C10orf67: variants seen among roughly 807,000 people sequenced by gnomAD.
The protein encoded by C10orf67 is uncharacterized protein C10orf67, mitochondrial.
In C10orf67, 60 loss-of-function variants were observed where a neutral mutation model predicts 35.6. The ratio of observed to expected loss-of-function variants is 1.68; its 90% CI spans 1.37 to 2.09. The LOEUF (loss-of-function observed/expected upper bound fraction) is 2.09, where lower values mean the gene tolerates loss of function less well. Among genes scored for constraint, C10orf67 ranks in the 30% most tolerant of loss-of-function variants. C10orf67 has a pLI of 0.00. For missense variants in C10orf67, 474 were observed against 330.2 expected, an observed-to-expected ratio of 1.44 and a Z score of -3.38; for synonymous variants, 167 against 115.8, an observed-to-expected ratio of 1.44 and a Z score of -2.84.
intron 8 of C10orf67, among the ~76,000 whole-genome samples, chr10:23,272,809 C>T (rs1162156446): frequency 1.3e-5 from 2 of 152,170 alleles, no homozygotes; most frequent in Non-Finnish European, 2.9e-5. Context: ...TAATATGCAT[C>T]TCCTGAATCA....
intron 12 of C10orf67, among the ~76,000 whole-genome samples, chr10:23,247,511 C>T (rs1197060687): frequency 1.3e-5 from 2 of 152,124 alleles, no homozygotes; most frequent in Admixed American, 6.5e-5. Context: ...CTCTAAGATG[C>T]TCACACAATG....
At chr10:23,326,206 T>A (rs2132358347) in intron 2 of C10orf67, among the ~76,000 whole-genome samples, 1 of 152,202 alleles carries the variant, frequency 6.6e-6, no homozygotes, top group Non-Finnish European at 1.5e-5. Flanking sequence ...CCAAGCAGGA[T>A]AAATGCATCA....
intron 2 of C10orf67, among the ~76,000 whole-genome samples, chr10:23,324,347 C>T (rs1845099143): frequency 1.3e-5 from 2 of 152,146 alleles, no homozygotes; most frequent in African/African-American, 4.8e-5. Flanking sequence ...ATCTGGAGTT[C>T]ACCTCTTTCT....
At chr10:23,251,764 T>C (rs1346809309) in intron 10 of C10orf67, among the ~76,000 whole-genome samples, 1 of 152,242 alleles carries the variant, frequency 6.6e-6, no homozygotes, top group Non-Finnish European at 1.5e-5. Flanking sequence ...TCATCTTTTT[T>C]TCTTTTCATG....
chr10:23,281,404 T>C (rs551126961), intron 8 of C10orf67, among the ~76,000 whole-genome samples: 7 of 152,334 alleles, frequency 4.6e-5, no homozygotes, highest in East Asian at 3.9e-4. Flanking sequence ...TCAAGCTGTG[T>C]TTTATTTTTT....
chr10:23,320,851 G>C, intron 3 of C10orf67, 36 bp from the exon 4 acceptor site: 1 of 1,431,316 alleles, frequency 7.0e-7, no homozygotes, highest in Admixed American at 2.0e-5. Flanking sequence ...GCACCATAAT[G>C]TATTTCCAAA....
At chr10:23,297,777 G>C (rs1432080038) in intron 5 of C10orf67, among the ~76,000 whole-genome samples, 1 of 152,250 alleles carries the variant, frequency 6.6e-6, no homozygotes, top group African/African-American at 2.4e-5. Flanking sequence ...CGCAGTCGCA[G>C]CACTGGCCCT....
In C10orf67 at chr10:23,330,034, A is replaced by G. The variant is rs534591547; in HGVS notation, c.327+3028T>C. ...GCCATATGAGTGCATGATCATCTCA[A>G]TAAGTCCATGAAAAGTATTCAAACC... On this transcript the variant is annotated intron_variant, in intron 2 of 15. Coordinates refer to ENST00000636213, the MANE Select transcript of C10orf67 (RefSeq NM_001371909.1). Among the ~76,000 whole-genome samples, 37 of 152,334 alleles carry G rather than the reference A, an allele frequency of 2.4e-4. No homozygotes were observed. The South Asian group carries it at 7.4e-3, about 31-fold the overall frequency.
intron 15 of C10orf67, among the ~76,000 whole-genome samples, chr10:23,218,151 AT>A (rs777972580): frequency 6.6e-5 from 10 of 151,970 alleles, no homozygotes; most frequent in Non-Finnish European, 1.5e-4. Flanking sequence ...CCAGGTTTTT[AT>A]TTGTTTGTGT....
chr10:23,330,835 T>A (rs973950076), intron 2 of C10orf67, among the ~76,000 whole-genome samples: 1 of 152,100 alleles, frequency 6.6e-6, no homozygotes, highest in Non-Finnish European at 1.5e-5. Context: ...GGTGAAATGA[T>A]CTAAGATTCT....
intron 13 of C10orf67, among the ~76,000 whole-genome samples, chr10:23,228,180 C>G (rs1841797432): frequency 6.6e-6 from 1 of 152,184 alleles, no homozygotes; most frequent in Non-Finnish European, 1.5e-5. Context: ...CACTACCTGA[C>G]TTCAAACTAT....
At chr10:23,251,170 A>G (rs1440293298) in intron 10 of C10orf67, among the ~76,000 whole-genome samples, 2 of 152,188 alleles carry the variant, frequency 1.3e-5, no homozygotes, top group Non-Finnish European at 2.9e-5. Context: ...ACGGTTTAAG[A>G]TCCCATGCCT....
chr10:23,212,462 T>A (rs1242464350), intron 15 of C10orf67, among the ~76,000 whole-genome samples: 6 of 152,180 alleles, frequency 3.9e-5, no homozygotes, highest in Non-Finnish European at 7.3e-5. Flanking sequence ...TAAATGTGCT[T>A]CATGCTGGGT....
At chr10:23,275,401 C>T (rs1047571265) in intron 8 of C10orf67, among the ~76,000 whole-genome samples, 1 of 152,186 alleles carries the variant, frequency 6.6e-6, no homozygotes, top group South Asian at 2.1e-4. Flanking sequence ...GTAAGTCCTG[C>T]CTCTCAAAAC....
intron 1 of C10orf67, among the ~76,000 whole-genome samples, chr10:23,337,956 G>A (rs1282639978): frequency 6.6e-6 from 1 of 152,198 alleles, no homozygotes; most frequent in African/African-American, 2.4e-5. Context: ...ACTTTTTCTG[G>A]ATGAAGGATG....
chr10:23,281,259 C>T (rs921561394), intron 8 of C10orf67, among the ~76,000 whole-genome samples: 1 of 152,158 alleles, frequency 6.6e-6, no homozygotes, highest in African/African-American at 2.4e-5. Flanking sequence ...GGGAAACAGT[C>T]ATGACTTGGC....
At chr10:23,211,480 G>T (rs7074226) in intron 15 of C10orf67, among the ~76,000 whole-genome samples, 4,996 of 117,058 alleles carry the variant, frequency 0.043, 118 homozygotes, top group Middle Eastern at 0.07. Context: ...TGTGTGTGTG[G>T]GGGGGGGGGG....
intron 4 of C10orf67, chr10:23,316,644 G>A (rs1342509619): frequency 6.6e-6 from 1 of 152,454 alleles, no homozygotes; most frequent in East Asian, 1.9e-4. Flanking sequence ...GAGATCTGAA[G>A]TGGGTAGCTC....
chr10:23,323,938 T>C (rs1845077479), intron 2 of C10orf67, among the ~76,000 whole-genome samples: 6 of 60,216 alleles, frequency 1.0e-4, no homozygotes, highest in African/African-American at 3.4e-4. Context: ...TATATATATA[T>C]ATATATATAT....
Sources: gnomAD v4.1 joint callset for allele counts (sites outside exome capture counted in the v4.1 genomes callset) on GRCh38, gnomAD v4.1.1 for gene constraint, MANE v1.5 for transcripts, NCBI Gene and HGNC (gene_info 2026-07-23, HGNC 2026-07-21) for gene names.